The following CRACR2A variants were observed in gnomAD, a reference collection of about 807,000 sequenced individuals.
CRACR2A encodes the protein calcium release activated channel regulator 2A.
Under a neutral mutation model 90.5 loss-of-function variants are expected in CRACR2A, and 79 were observed. That is an observed-to-expected ratio of 0.87 (90% CI 0.73 to 1.05). The LOEUF (loss-of-function observed/expected upper bound fraction) is 1.05. CRACR2A is among the 50% of genes least tolerant of loss of function. The pLI is 0.00. For missense variants in CRACR2A, 823 were observed against 897.2 expected, an observed-to-expected ratio of 0.92 and a Z score of 1.06; for synonymous variants, 338 against 356.7, an observed-to-expected ratio of 0.95 and a Z score of 0.59.
intron 12 of CRACR2A, among the ~76,000 whole-genome samples, chr12:3,643,828 A>AT (rs1200201001): frequency 5.7e-5 from 6 of 105,912 alleles, no homozygotes; most frequent in African/African-American, 2.2e-4. Context: ...TATATTATAT[A>AT]TAAATATATA....
intron 3 of CRACR2A, among the ~76,000 whole-genome samples, chr12:3,704,075 C>G (rs1402333468): frequency 1.3e-5 from 2 of 152,320 alleles, no homozygotes; most frequent in East Asian, 3.9e-4. Context: ...AATATTTACT[C>G]AAGAGAAGAA....
chr12:3,692,382 A>C (rs1016562360), intron 4 of CRACR2A, among the ~76,000 whole-genome samples: 45 of 151,440 alleles, frequency 3.0e-4, no homozygotes, highest in Non-Finnish European at 4.6e-4. Context: ...GACTGGCTTC[A>C]TTTCTGGAAG....
At chr12:3,646,788 T>C (rs1225886497) in intron 11 of CRACR2A, among the ~76,000 whole-genome samples, 1 of 152,210 alleles carries the variant, frequency 6.6e-6, no homozygotes, top group African/African-American at 2.4e-5. Context: ...CTGCATTGTT[T>C]CCTGCTTTGT....
intron 18 of CRACR2A, among the ~76,000 whole-genome samples, chr12:3,618,560 A>G (rs1470237604): frequency 1.3e-5 from 2 of 152,160 alleles, no homozygotes; most frequent in South Asian, 2.1e-4. Context: ...GAGTCTTACC[A>G]TCTGTGCTCG....
chr12:3,750,834 GC>G (rs1199148789), intron 1 of CRACR2A, among the ~76,000 whole-genome samples: 1 of 152,140 alleles, frequency 6.6e-6, no homozygotes. Flanking sequence ...GCAACAAGGA[GC>G]CCCAAGGCAG....
chr12:3,653,181 C>T (rs1161704097), intron 10 of CRACR2A, among the ~76,000 whole-genome samples: 2 of 152,120 alleles, frequency 1.3e-5, no homozygotes, highest in African/African-American at 2.4e-5. Context: ...TGGGGTTTCA[C>T]CGTGTTGGTC....
chr12:3,674,790 A>C (rs1457270604), intron 6 of CRACR2A, among the ~76,000 whole-genome samples: 1 of 152,216 alleles, frequency 6.6e-6, no homozygotes, highest in Non-Finnish European at 1.5e-5. Context: ...CTATATAACA[A>C]GATGTAATAA....
chr12:3,688,953 T>G (rs1029147055), intron 4 of CRACR2A, among the ~76,000 whole-genome samples: 4 of 152,120 alleles, frequency 2.6e-5, no homozygotes, highest in Non-Finnish European at 5.9e-5. Context: ...ATTTTATTGT[T>G]TTTGTGGCAA....
chr12:3,659,718 A>T, intron 7 of CRACR2A, 64 bp from the exon 8 acceptor site: 1 of 1,327,780 alleles, frequency 7.5e-7, no homozygotes, highest in East Asian at 2.3e-5. Context: ...TAGCTCCTGG[A>T]GCTCAGACAC....
chr12:3,666,009 T>C (rs949767261), intron 7 of CRACR2A, among the ~76,000 whole-genome samples: 5 of 152,060 alleles, frequency 3.3e-5, no homozygotes, highest in African/African-American at 1.2e-4. Context: ...AGAACCCTCC[T>C]AGGTTCTGGC....
intron 3 of CRACR2A, among the ~76,000 whole-genome samples, chr12:3,703,176 A>T (rs56180512): frequency 0.13 from 20,137 of 152,100 alleles, 1,512 homozygotes; most frequent in Admixed American, 0.22. Flanking sequence ...TGCAAGCTCC[A>T]CCTCCCAGGT....
In CRACR2A at chr12:3,667,804, GTC is replaced by G. The variant is rs1219347547; in HGVS notation, c.671+5640_671+5641del. Among the ~76,000 whole-genome samples, 3 of 152,254 alleles carry G rather than the reference GTC, an allele frequency of 2.0e-5. No individual in the cohort carries two copies. In the South Asian group the frequency reaches 6.2e-4, roughly 32 times the overall value. ...TCTCTGTAATTATCTGCTTATCTCT[GTC>G]TCTCTCCATCTCCATCTCTCTCACA... is the stretch of plus-strand genomic sequence containing the variant. On this transcript the variant is annotated intron_variant, in intron 7 of 19. Transcript: ENST00000440314.
At chr12:3,664,317 T>C (rs59877626) in intron 7 of CRACR2A, among the ~76,000 whole-genome samples, 1,900 of 152,330 alleles carry the variant, frequency 0.012, 34 homozygotes, top group African/African-American at 0.044. Flanking sequence ...AGGCACACAA[T>C]TCTATATTCG....
rs1945330614 is a variant in CRACR2A, at chr12:3,676,080, C to T, written c.525-2488G>A. 2.8e-5 allele frequency among the ~76,000 whole-genome samples: 4 copies of T among 144,238 alleles called. No individual in the cohort carries two copies. The South Asian group carries it at 6.8e-4, about 25-fold the overall frequency. The allele number at this position is 144,238 out of a possible 152,430, so 94.6% of individuals were successfully genotyped here. The stretch of plus-strand genomic sequence containing the variant: ...AATTCTTTCTTCTATCCCATCCAAA[C>T]ATCCGCGTACTTATTTAGACCATCC... On this transcript the variant is annotated intron_variant, in intron 6 of 19. Coordinates refer to ENST00000440314, the MANE Select transcript of CRACR2A (RefSeq NM_001144958.2).
At chr12:3,682,394 C>T (rs1945472550) in intron 4 of CRACR2A, among the ~76,000 whole-genome samples, 1 of 152,236 alleles carries the variant, frequency 6.6e-6, no homozygotes, top group Non-Finnish European at 1.5e-5. Flanking sequence ...TCACCTTAGG[C>T]ACCATTCCTG....
intron 17 of CRACR2A, 101 bp from the exon 18 acceptor site, chr12:3,619,473 T>C (rs1591631341): frequency 1.7e-5 from 15 of 873,270 alleles, no homozygotes. Context: ...CGCTTGAGAA[T>C]CCCCTGCTGC....
chr12:3,659,134 G>T lies in CRACR2A; in HGVS notation c.762+430C>A, dbSNP rs74749794. 8.8e-3 allele frequency among the ~76,000 whole-genome samples: 1,340 copies of T among 152,260 alleles called. 28 individuals carry two copies. Among genetic ancestry groups the T allele is most frequent in the African/African-American group, 0.031 (1,289 of 41,536 alleles). ...CAGGGTGAACTGGGCTGGTGCATTT[G>T]GGTGCATTTGCCATATAAATCTAGG... On this transcript the variant is annotated intron_variant, in intron 8 of 19. Coordinates refer to ENST00000440314, the MANE Select transcript of CRACR2A (RefSeq NM_001144958.2).
intron 6 of CRACR2A, 97 bp downstream of exon 6, chr12:3,678,818 A>G (rs771687832): frequency 4.4e-6 from 6 of 1,352,288 alleles, no homozygotes; most frequent in Non-Finnish European, 6.1e-6. Context: ...TGCAGGGACC[A>G]GCACCACATG....
At position 3,627,490 on chromosome 12, in the gene CRACR2A, A is replaced by G. The variant is rs1944287440; in HGVS notation, c.1878T>C (p.Asp626=). 1.9e-6 allele frequency: 3 copies of G among 1,551,958 alleles called. No individual in the cohort carries two copies. The highest frequency in any genetic ancestry group is 2.6e-6 in the Non-Finnish European group (3 of 1,147,070). The change falls in exon 17 of 20, where the codon GAT becomes GAC. Residue 626 remains aspartate, a synonymous_variant. Coordinates refer to ENST00000440314, the MANE Select transcript of CRACR2A (RefSeq NM_001144958.2). ...RKADGVIVMY[D]LTDKQSFLSV... ...ACAGGAACGACTGCTTGTCTGTGAG[A>G]TCGTACATGACGATGACACCATCTG...
Sources: gnomAD v4.1 joint callset for allele counts (sites outside exome capture counted in the v4.1 genomes callset) on GRCh38, gnomAD v4.1.1 for gene constraint, MANE v1.5 for transcripts, NCBI Gene and HGNC (gene_info 2026-07-23, HGNC 2026-07-21) for gene names.